Variants in TENM2 observed in about 807,000 individuals in gnomAD.
The protein encoded by TENM2 is teneurin transmembrane protein 2.
A neutral mutation model predicts 245.2 loss-of-function variants in TENM2; 52 were observed. That is an observed-to-expected ratio of 0.21 (90% CI 0.17 to 0.27). The LOEUF (loss-of-function observed/expected upper bound fraction) is 0.27. TENM2 is among the 10% of genes least tolerant of loss of function. The pLI, the probability that TENM2 is intolerant of heterozygous loss-of-function variation, is 1.00. For missense variants in TENM2, 3,046 were observed against 3,666.8 expected (o/e 0.83, Z 4.37); for synonymous variants, 1,363 against 1,438.9 (o/e 0.95, Z 1.19).
the TENM2 span, among the ~76,000 whole-genome samples, chr5:167,079,867 C>T: frequency 6.6e-6 from 1 of 152,098 alleles, no homozygotes; most frequent in African/African-American, 2.4e-5. Context: ...AGAAATTTTT[C>T]ACCTGAGCCT....
At chr5:168,190,452 T>C in exon 14 of TENM2, 1 of 1,613,962 alleles carries the variant, frequency 6.2e-7, no homozygotes. Flanking sequence ...GCCAGACGGA[T>C]TGGCCCGCAG....
intron 2 of TENM2, among the ~76,000 whole-genome samples, chr5:167,404,817 A>C (rs1472081245): frequency 6.6e-6 from 1 of 152,164 alleles, no homozygotes; most frequent in Non-Finnish European, 1.5e-5. Context: ...TCACTCACTT[A>C]AAATACAAAA....
chr5:167,440,870 T>A (rs1764840541), intron 2 of TENM2, among the ~76,000 whole-genome samples: 1 of 10,228 alleles, frequency 9.8e-5, no homozygotes, highest in Admixed American at 2.6e-3. Context: ...TGTGGCAGAT[T>A]AGAAAGGCAG....
intron 2 of TENM2, among the ~76,000 whole-genome samples, chr5:167,461,060 C>T (rs1302680207): frequency 6.6e-6 from 1 of 152,148 alleles, no homozygotes; most frequent in African/African-American, 2.4e-5. Flanking sequence ...AAACATGGGA[C>T]TCACTATAGC....
chr5:168,204,497 G>A, exon 19 of TENM2: 1 of 1,614,040 alleles, frequency 6.2e-7, no homozygotes, highest in Non-Finnish European at 8.5e-7. Flanking sequence ...CCTTGCTGAA[G>A]GCAACAAGCT....
At chr5:167,010,638 T>C in the TENM2 span, among the ~76,000 whole-genome samples, 2 of 152,242 alleles carry the variant, frequency 1.3e-5, no homozygotes, top group Admixed American at 1.3e-4. Context: ...GATAAGTCTA[T>C]TTCATTAGAA....
chr5:167,618,868 T>G (rs1777970449), intron 2 of TENM2, among the ~76,000 whole-genome samples: 1 of 152,114 alleles, frequency 6.6e-6, no homozygotes, highest in Non-Finnish European at 1.5e-5. Context: ...CAAAAAGAGT[T>G]TCTATACTAG....
chr5:167,947,627 C>T (rs989366161), intron 3 of TENM2, among the ~76,000 whole-genome samples: 1 of 152,178 alleles, frequency 6.6e-6, no homozygotes, highest in Non-Finnish European at 1.5e-5. Context: ...GTCCTGGTGC[C>T]AGTTATCATC....
chr5:167,182,847 T>G, the TENM2 span, among the ~76,000 whole-genome samples: 2 of 152,294 alleles, frequency 1.3e-5, no homozygotes, highest in South Asian at 4.1e-4. Flanking sequence ...CAAAATTATT[T>G]TGAGGTGATC....
At chr5:167,818,971 T>G (rs536863072) in intron 2 of TENM2, among the ~76,000 whole-genome samples, 1 of 152,198 alleles carries the variant, frequency 6.6e-6, no homozygotes, top group Non-Finnish European at 1.5e-5. Flanking sequence ...TCACGTGACA[T>G]CATCCCACAG....
At chr5:167,153,262 C>T in the TENM2 span, among the ~76,000 whole-genome samples, 3 of 151,730 alleles carry the variant, frequency 2.0e-5, no homozygotes, top group South Asian at 2.1e-4. Flanking sequence ...TTACCGAGAA[C>T]GTAAGCAGTT....
the TENM2 span, among the ~76,000 whole-genome samples, chr5:167,054,171 T>C: frequency 6.6e-6 from 1 of 151,788 alleles, no homozygotes; most frequent in Non-Finnish European, 1.5e-5. Flanking sequence ...TTAGCTGCTG[T>C]AAAAATCCTC....
At chr5:167,029,824 G>A in the TENM2 span, among the ~76,000 whole-genome samples, 1 of 152,140 alleles carries the variant, frequency 6.6e-6, no homozygotes, top group Non-Finnish European at 1.5e-5. Flanking sequence ...TTGCAGGGGT[G>A]AAAACAAAGG....
intron 12 of TENM2, among the ~76,000 whole-genome samples, chr5:168,159,648 C>T (rs894503596): frequency 6.6e-6 from 1 of 152,206 alleles, no homozygotes; most frequent in Non-Finnish European, 1.5e-5. Flanking sequence ...CATGCACCTA[C>T]CAGGGCTGTT....
At chr5:168,206,552 A>G (rs538796677) in intron 19 of TENM2, among the ~76,000 whole-genome samples, 105 of 152,318 alleles carry the variant, frequency 6.9e-4, no homozygotes, top group African/African-American at 2.4e-3. Flanking sequence ...GGGGCATGGT[A>G]ACCAGAGGGT....
intron 19 of TENM2, among the ~76,000 whole-genome samples, chr5:168,211,393 T>C (rs1762793307): frequency 6.6e-6 from 1 of 152,262 alleles, no homozygotes; most frequent in Non-Finnish European, 1.5e-5. Context: ...TGGCCATTAC[T>C]GGCCAACACA....
At chr5:168,031,268 T>TA (rs1373925102) in intron 5 of TENM2, among the ~76,000 whole-genome samples, 2 of 152,222 alleles carry the variant, frequency 1.3e-5, no homozygotes, top group East Asian at 3.8e-4. Context: ...ACCTCTTTTG[T>TA]AAAATGAGTC....
At chr5:167,074,346 T>C in the TENM2 span, among the ~76,000 whole-genome samples, 2 of 152,108 alleles carry the variant, frequency 1.3e-5, no homozygotes, top group Admixed American at 6.5e-5. Flanking sequence ...AAGCGAGACA[T>C]TAGTGAAGAC....
intron 1 of TENM2, among the ~76,000 whole-genome samples, chr5:167,371,102 TCAATC>T (rs1423181420): frequency 6.6e-6 from 1 of 152,176 alleles, no homozygotes; most frequent in Non-Finnish European, 1.5e-5. Context: ...TGGTTGGAAA[TCAATC>T]CATATAGAAG....
Sources: gnomAD v4.1 joint callset for allele counts (sites outside exome capture counted in the v4.1 genomes callset) on GRCh38, gnomAD v4.1.1 for gene constraint, MANE v1.5 for transcripts, NCBI Gene and HGNC (gene_info 2026-07-23, HGNC 2026-07-21) for gene names.